AFF3: variants seen among roughly 807,000 people sequenced by gnomAD.
AFF3 encodes the protein AF4/FMR2 family member 3.
In AFF3, 32 loss-of-function variants were observed where a neutral mutation model predicts 129.7. The ratio of observed to expected loss-of-function variants is 0.25; its 90% CI spans 0.19 to 0.33. The LOEUF is 0.33. AFF3 is among the 10% of genes least tolerant of loss of function. AFF3 has a pLI of 1.00. For missense variants in AFF3, 1,373 were observed against 1,592.0 expected, an observed-to-expected ratio of 0.86 and a Z score of 2.34; for synonymous variants, 644 against 635.4, an observed-to-expected ratio of 1.01 and a Z score of -0.20.
intron 8 of AFF3, among the ~76,000 whole-genome samples, chr2:99,817,055 T>C (rs1687292399): frequency 6.6e-6 from 1 of 152,182 alleles, no homozygotes; most frequent in South Asian, 2.1e-4. Flanking sequence ...GCTGCAGTTC[T>C]GTATCCTTCC....
rs368205748 is a variant in AFF3 at position 99,593,967 on chromosome 2, G to A, written c.1694C>T (p.Pro565Leu). The A allele has an allele frequency of 4.6e-5, 69 of 1,486,364 alleles. No homozygotes were observed. The highest frequency in any genetic ancestry group is 6.1e-5 in the Non-Finnish European group (68 of 1,119,242). The allele number at this position is 1,486,364 out of a possible 1,614,324, so 92.1% of individuals were successfully genotyped here. Residue 565 changes from proline (P) to leucine (L), a missense_variant, in exon 15 of 25, where the codon CCC (proline) becomes CTC (leucine). Physicochemically the swap from Pro to Leu is moderately conservative, Grantham distance 98. Around this residue, in one of 9 missense-constraint regions of AFF3, gnomAD observed 413 missense variants for 424.4 expected, o/e 0.97. Transcript: ENST00000672756. ...AVAVSAAAPP[P>L]AVPCAPAENA... is the part of the protein sequence containing the mutation. ...CTCCGCGGGCGCACAGGGCACTGCG[G>A]GTGGCGGGGCGGCTGCGCTCACCGC...
rs775018446 is a variant in AFF3, at chr2:100,007,437, G to A, written c.198C>T (p.Ser66=). 20 of 1,613,664 alleles carry A rather than the reference G, an allele frequency of 1.2e-5. No individual in the cohort carries two copies. The highest frequency in any genetic ancestry group is 2.2e-5 in the East Asian group (1 of 44,892). The part of the protein sequence containing the change: ...PYKTNKGDEL[S]NRIQNTLGNY... ...TGCCTAAAGTGTTCTGGATCCGGTT[G>A]GAGAGTTCATCCCCCTTGTTAGTCT... Residue 66 remains serine (S), a synonymous_variant, in exon 6 of 25, where the codon TCC becomes TCT. Coordinates refer to ENST00000672756, the MANE Select transcript of AFF3 (RefSeq NM_001386135.1).
chr2:99,841,971 A>T (rs987251612), intron 7 of AFF3, among the ~76,000 whole-genome samples: 3 of 152,164 alleles, frequency 2.0e-5, no homozygotes, highest in African/African-American at 7.2e-5. Context: ...CACATTACTC[A>T]GCGCTTGATC....
At chr2:99,977,242 C>T (rs1184003195) in intron 7 of AFF3, among the ~76,000 whole-genome samples, 1 of 152,150 alleles carries the variant, frequency 6.6e-6, no homozygotes. Context: ...GCTAGAATGC[C>T]AGCCCAGGAC....
chr2:100,041,573 T>C (rs1414562971), intron 4 of AFF3, among the ~76,000 whole-genome samples: 1 of 152,100 alleles, frequency 6.6e-6, no homozygotes, highest in Non-Finnish European at 1.5e-5. Flanking sequence ...TAAATCCAGG[T>C]TGGCCTAATG....
At chr2:99,937,354 G>A (rs1371175460) in intron 7 of AFF3, among the ~76,000 whole-genome samples, 1 of 152,140 alleles carries the variant, frequency 6.6e-6, no homozygotes, top group Non-Finnish European at 1.5e-5. Context: ...AGGAGGATAT[G>A]GAGGAGCTAT....
At chr2:99,634,851 GC>G (rs1332720750) in intron 13 of AFF3, among the ~76,000 whole-genome samples, 2 of 151,782 alleles carry the variant, frequency 1.3e-5, no homozygotes, top group Non-Finnish European at 1.5e-5. Context: ...CTTGCAAGCA[GC>G]CCCCAGCAGA....
chr2:100,137,782 A>G (rs1224686804), intron 1 of AFF3, among the ~76,000 whole-genome samples: 3 of 152,174 alleles, frequency 2.0e-5, no homozygotes, highest in East Asian at 1.9e-4. Flanking sequence ...TCTGCCTTGC[A>G]GGGGTGTTGT....
At chr2:100,079,817 GATGTT>G (rs1486850728) in intron 4 of AFF3, among the ~76,000 whole-genome samples, 1 of 152,174 alleles carries the variant, frequency 6.6e-6, no homozygotes, top group Non-Finnish European at 1.5e-5. Flanking sequence ...TGATGCCGCA[GATGTT>G]ATATCTGCGT....
At chr2:100,114,706 G>T (rs1277613250) in intron 2 of AFF3, among the ~76,000 whole-genome samples, 1 of 152,010 alleles carries the variant, frequency 6.6e-6, no homozygotes, top group African/African-American at 2.4e-5. Flanking sequence ...GCACCATCAG[G>T]CATCCTTTCA....
chr2:99,609,141 A>G (rs1465041462), intron 13 of AFF3, among the ~76,000 whole-genome samples: 2 of 152,298 alleles, frequency 1.3e-5, no homozygotes, highest in East Asian at 3.9e-4. Flanking sequence ...GGAATAAAAG[A>G]ATGGCTACTC....
At chr2:99,664,881 C>T (rs1028220480) in intron 12 of AFF3, among the ~76,000 whole-genome samples, 9 of 152,182 alleles carry the variant, frequency 5.9e-5, no homozygotes, top group Admixed American at 2.0e-4. Context: ...ACTAAAATTA[C>T]GATGAGATTC....
intron 8 of AFF3, among the ~76,000 whole-genome samples, chr2:99,817,334 G>A (rs541857885): frequency 6.6e-6 from 1 of 152,240 alleles, no homozygotes; most frequent in Admixed American, 6.5e-5. Context: ...TGGCTCATAC[G>A]GTCTTGTGTG....
At chr2:100,041,047 C>T (rs1042163682) in intron 4 of AFF3, among the ~76,000 whole-genome samples, 2 of 152,216 alleles carry the variant, frequency 1.3e-5, no homozygotes, top group Non-Finnish European at 2.9e-5. Flanking sequence ...AATAACCTCA[C>T]AAGGATGAGA....
At position 99,727,858 on chromosome 2, in the gene AFF3, G is replaced by A. The variant is rs142091839; in HGVS notation, c.1040-730C>T. Among the ~76,000 whole-genome samples, 179 of 152,238 alleles carry A rather than the reference G, an allele frequency of 1.2e-3. 1 individual carries two copies. The highest frequency in any genetic ancestry group is 4.0e-3 in the African/African-American group (168 of 41,556). The stretch of plus-strand genomic sequence containing the variant: ...ATTACAGGCGTGAACCACCACGTCC[G>A]GCCAGGAGGAGAGAATTTTTACTGA... On this transcript the variant is annotated intron_variant, in intron 10 of 24. Transcript: ENST00000672756.
chr2:99,711,043 C>A (rs971329138), intron 11 of AFF3, among the ~76,000 whole-genome samples: 3 of 152,110 alleles, frequency 2.0e-5, no homozygotes, highest in Non-Finnish European at 4.4e-5. Context: ...AGGAGCCAGG[C>A]TTCCTCCTGT....
At chr2:99,667,499 AATAAAG>A (rs1308195550) in intron 12 of AFF3, among the ~76,000 whole-genome samples, 1 of 152,220 alleles carries the variant, frequency 6.6e-6, no homozygotes, top group Non-Finnish European at 1.5e-5. Context: ...AGAGGAGGGA[AATAAAG>A]ATAAGAAATC....
At chr2:99,633,901 C>A (rs1211762041) in intron 13 of AFF3, among the ~76,000 whole-genome samples, 1 of 146,778 alleles carries the variant, frequency 6.8e-6, no homozygotes, top group Non-Finnish European at 1.5e-5. Flanking sequence ...AACCTCTTTT[C>A]TTCCTTCCTT....
At chr2:99,740,040 T>C (rs1286878135) in intron 10 of AFF3, among the ~76,000 whole-genome samples, 2 of 145,196 alleles carry the variant, frequency 1.4e-5, no homozygotes, top group African/African-American at 2.6e-5. Flanking sequence ...TCAATTCCCA[T>C]CTATGAGTGA....
Sources: allele counts gnomAD v4.1 joint callset (sites outside exome capture counted in the v4.1 genomes callset), GRCh38; gene constraint gnomAD v4.1.1; regional missense constraint gnomAD v4.1.1; transcripts MANE v1.5; gene names NCBI Gene and HGNC (gene_info 2026-07-23, HGNC 2026-07-21).